PCSK2: variants seen among roughly 807,000 people sequenced by gnomAD.
PCSK2 encodes the protein neuroendocrine convertase 2.
PCSK2 carries 14 observed loss-of-function variants against 69.7 expected under a neutral mutation model. The observed-to-expected ratio is 0.20, with a 90% CI of 0.13 to 0.31. The LOEUF (loss-of-function observed/expected upper bound fraction) is 0.31, where lower values mean the gene tolerates loss of function less well. Among genes scored for constraint, PCSK2 ranks in the 10% least tolerant of loss-of-function variants. The probability of loss-of-function intolerance (pLI) is 1.00; values close to 1 mark genes in which losing one functional copy is unlikely to be tolerated. For missense variants in PCSK2, 544 were observed against 842.5 expected (o/e 0.65, Z 4.39); for synonymous variants, 307 against 320.7 (o/e 0.96, Z 0.46).
intron 5 of PCSK2, among the ~76,000 whole-genome samples, chr20:17,376,796 G>T (rs1335668323): frequency 6.6e-6 from 1 of 152,160 alleles, no homozygotes; most frequent in African/African-American, 2.4e-5. Context: ...AGTGTTTTGT[G>T]TCCCTCTTAA....
intron 2 of PCSK2, among the ~76,000 whole-genome samples, chr20:17,352,777 A>T (rs2030037057): frequency 1.3e-5 from 2 of 152,214 alleles, no homozygotes; most frequent in Admixed American, 6.5e-5. Flanking sequence ...GCCATTCCAG[A>T]CATAGGTCTT....
intron 5 of PCSK2, among the ~76,000 whole-genome samples, chr20:17,396,921 T>C (rs993745776): frequency 6.6e-6 from 1 of 152,192 alleles, no homozygotes; most frequent in Non-Finnish European, 1.5e-5. Flanking sequence ...CCAACCAGGC[T>C]GGAACAAGGC....
chr20:17,280,296 G>A (rs1713060158), intron 2 of PCSK2, among the ~76,000 whole-genome samples: 1 of 152,176 alleles, frequency 6.6e-6, no homozygotes, highest in Non-Finnish European at 1.5e-5. Flanking sequence ...CCAAAATGTA[G>A]ATATACTATG....
At chr20:17,344,787 T>C (rs1347481845) in intron 2 of PCSK2, among the ~76,000 whole-genome samples, 2 of 152,126 alleles carry the variant, frequency 1.3e-5, no homozygotes, top group African/African-American at 2.4e-5. Flanking sequence ...AAGGCTCTTT[T>C]CCCAGTGCCT....
At chr20:17,336,874 C>T (rs1990367519) in intron 2 of PCSK2, among the ~76,000 whole-genome samples, 1 of 152,188 alleles carries the variant, frequency 6.6e-6, no homozygotes, top group Non-Finnish European at 1.5e-5. Context: ...CTGGGGTCTG[C>T]ATCCTAGGTG....
intron 11 of PCSK2, among the ~76,000 whole-genome samples, chr20:17,479,728 C>T (rs1249108806): frequency 7.2e-6 from 1 of 138,334 alleles, no homozygotes; most frequent in East Asian, 2.3e-4. Context: ...ACCCGGGAGG[C>T]GGAGCTTGCA....
intron 2 of PCSK2, among the ~76,000 whole-genome samples, chr20:17,351,663 C>T (rs1195205235): frequency 5.3e-5 from 8 of 151,994 alleles, no homozygotes; most frequent in African/African-American, 1.9e-4. Context: ...AAGAAAAAAA[C>T]CCTCAACAAA....
intron 2 of PCSK2, among the ~76,000 whole-genome samples, chr20:17,283,283 A>C (rs1027303935): frequency 3.9e-5 from 6 of 152,314 alleles, no homozygotes; most frequent in African/African-American, 1.2e-4. Context: ...TAATTAGCTA[A>C]ATTCTGTAGA....
chr20:17,256,956 CT>C (rs1458464984), intron 1 of PCSK2, among the ~76,000 whole-genome samples: 7 of 152,106 alleles, frequency 4.6e-5, no homozygotes, highest in Non-Finnish European at 7.3e-5. Flanking sequence ...TGAACTCATC[CT>C]TTTTTATGGC....
At chr20:17,303,202 A>G (rs928269035) in intron 2 of PCSK2, among the ~76,000 whole-genome samples, 1 of 143,998 alleles carries the variant, frequency 6.9e-6, no homozygotes, top group African/African-American at 2.5e-5. Context: ...TATTTATATT[A>G]TTATAATATA....
At chr20:17,421,807 T>TTAAAA (rs2032132866) in intron 6 of PCSK2, among the ~76,000 whole-genome samples, 1 of 78,972 alleles carries the variant, frequency 1.3e-5, no homozygotes, top group South Asian at 4.4e-4. Context: ...GGAAGAGAGG[T>TTAAAA]AAAAAAAAAA....
chr20:17,269,799 G>A (rs920177402), intron 2 of PCSK2, among the ~76,000 whole-genome samples: 11 of 152,002 alleles, frequency 7.2e-5, no homozygotes, highest in Admixed American at 5.2e-4. Context: ...CCTGAATTGG[G>A]CACCTCTTTT....
chr20:17,267,678 A>T (rs537803280), intron 2 of PCSK2, among the ~76,000 whole-genome samples: 58 of 152,224 alleles, frequency 3.8e-4, no homozygotes, highest in African/African-American at 1.4e-3. Flanking sequence ...CTAGATGTTC[A>T]TTTTTAAATG....
intron 2 of PCSK2, among the ~76,000 whole-genome samples, chr20:17,320,622 C>T (rs1477987817): frequency 1.3e-5 from 2 of 152,202 alleles, no homozygotes; most frequent in Non-Finnish European, 2.9e-5. Context: ...CTGTGGAGAA[C>T]ATGACTCAGT....
At chr20:17,286,349 T>C (rs1988509334) in intron 2 of PCSK2, among the ~76,000 whole-genome samples, 1 of 152,198 alleles carries the variant, frequency 6.6e-6, no homozygotes, top group Non-Finnish European at 1.5e-5. Flanking sequence ...CAAATGCTAA[T>C]GTTAAACGAA....
chr20:17,432,045 C>A (rs983537973), intron 7 of PCSK2, among the ~76,000 whole-genome samples: 1 of 152,190 alleles, frequency 6.6e-6, no homozygotes, highest in African/African-American at 2.4e-5. Context: ...CACCCCTCCA[C>A]GCTGTCTCCA....
At chr20:17,302,378 AAC>A (rs1989115537) in intron 2 of PCSK2, among the ~76,000 whole-genome samples, 2 of 152,196 alleles carry the variant, frequency 1.3e-5, no homozygotes, top group South Asian at 4.1e-4. Context: ...CAATCTGAAA[AAC>A]AATTTTTTCA....
chr20:17,346,360 T>C (rs1990653586), intron 2 of PCSK2, among the ~76,000 whole-genome samples: 1 of 152,134 alleles, frequency 6.6e-6, no homozygotes, highest in African/African-American at 2.4e-5. Flanking sequence ...ACACTGACTG[T>C]TCACAGCTGG....
chr20:17,437,782 C>T (rs201417218), intron 8 of PCSK2, among the ~76,000 whole-genome samples: 12 of 152,182 alleles, frequency 7.9e-5, no homozygotes, highest in African/African-American at 1.4e-4. Flanking sequence ...GAATTTGGAC[C>T]GGGCACACTG....
Sources: allele counts gnomAD v4.1 joint callset (sites outside exome capture counted in the v4.1 genomes callset), GRCh38; gene constraint gnomAD v4.1.1; transcripts MANE v1.5; gene names NCBI Gene and HGNC (gene_info 2026-07-23, HGNC 2026-07-21).